Variants in DNAJC5 observed in about 807,000 individuals in gnomAD.
DNAJC5 encodes dnaJ homolog subfamily C member 5.
DNAJC5 carries 1 observed loss-of-function variant against 23.2 expected under a neutral mutation model. That is an observed-to-expected ratio of 0.04 (90% confidence interval 0.02 to 0.20). DNAJC5 has a LOEUF of 0.20. Ranked by LOEUF, DNAJC5 falls within the 10% of genes least tolerant of loss-of-function variation. The pLI is 1.00. For missense variants in DNAJC5, 180 were observed against 267.0 expected (o/e 0.67, Z 2.27); for synonymous variants, 136 against 120.0 (o/e 1.13, Z -0.87).
chr20:63,922,427 C>T (rs2053580770), intron 1 of DNAJC5, among the ~76,000 whole-genome samples: 1 of 148,758 alleles, frequency 6.7e-6, no homozygotes, highest in South Asian at 2.1e-4. Flanking sequence ...TGCACCATTG[C>T]ACTCCATCCA....
chr20:63,931,436 G>A lies in DNAJC5; in HGVS notation c.494-29G>A, dbSNP rs528390229. 6.5e-6 allele frequency: 10 copies of A among 1,535,166 alleles called. No individual in the cohort carries two copies. The highest frequency in any genetic ancestry group is 8.7e-6 in the Non-Finnish European group (10 of 1,144,528). Reference sequence around the variant, plus strand: ...GGGTGCGCGCCAGGCTGTGGCCCTCGTGCAGTGCCCTGTGTGCTTGCTTTT... The same window carrying A: ...GGGTGCGCGCCAGGCTGTGGCCCTCATGCAGTGCCCTGTGTGCTTGCTTTT... On this transcript the variant is annotated intron_variant, in intron 4 of 4. Coordinates refer to ENST00000360864, the MANE Select transcript of DNAJC5 (RefSeq NM_025219.3). The surrounding 1 kb of genome is among the most constrained non-coding windows in gnomAD (Gnocchi z 9.6).
intron 1 of DNAJC5, among the ~76,000 whole-genome samples, chr20:63,900,552 G>C (rs1026317168): frequency 4.2e-5 from 6 of 142,236 alleles, no homozygotes; most frequent in Non-Finnish European, 3.0e-5. Context: ...ACTCCAGCCT[G>C]GGCGACAGAG....
At chr20:63,906,420 G>T (rs543308526) in intron 1 of DNAJC5, among the ~76,000 whole-genome samples, 126 of 152,186 alleles carry the variant, frequency 8.3e-4, no homozygotes, top group African/African-American at 2.7e-3. Context: ...AACCCAGAAG[G>T]CGGAGGTTGC....
At chr20:63,917,379 C>T (rs372207507) in intron 1 of DNAJC5, among the ~76,000 whole-genome samples, 26 of 151,542 alleles carry the variant, frequency 1.7e-4, no homozygotes, top group African/African-American at 5.8e-4. Context: ...CTCAGCCTCT[C>T]GAGTAACTGG....
intron 1 of DNAJC5, among the ~76,000 whole-genome samples, chr20:63,907,305 A>C (rs1326016558): frequency 6.6e-6 from 1 of 152,162 alleles, no homozygotes; most frequent in East Asian, 1.9e-4. Context: ...CGGTGACTGC[A>C]AATAGGTTAC....
rs531420995 is a variant in DNAJC5, at chr20:63,925,470, C to T, written c.-11-2865C>T. Among the ~76,000 whole-genome samples the T allele has an allele frequency of 2.5e-3, 379 of 150,070 alleles. 1 individual carries two copies. Among genetic ancestry groups the T allele is most frequent in the Non-Finnish European group, 4.1e-3 (276 of 67,542 alleles). The stretch of plus-strand genomic sequence containing the variant: ...TGCACTCCAGCCTGGGCAAACAGAG[C>T]GAGACTCCACCTCAAAAATAAAAAT... On this transcript the variant is annotated intron_variant, in intron 1 of 4. Transcript: ENST00000360864.
At position 63,929,731 on chromosome 20, in the gene DNAJC5, C is replaced by T. The variant is rs138086896; in HGVS notation, c.321+206C>T. ...GGGCGCCCGAGTCACTCCTGCCGTG[C>T]GGGCACCCGAGTCTCTCCTGCCATG... On this transcript the variant is annotated intron_variant, in intron 3 of 4. Transcript: ENST00000360864. This position sits in a 1 kb window ranked among gnomAD's most constrained non-coding sequence, Gnocchi z 8.6. Among the ~76,000 whole-genome samples the T allele has an allele frequency of 8.3e-5, 11 of 132,132 alleles. No homozygotes were observed. Among genetic ancestry groups the T allele is most frequent in the Non-Finnish European group, 1.9e-4 (11 of 57,964 alleles). The allele number at this position is 132,132 out of a possible 152,430, so 86.7% of individuals were successfully genotyped here.
chr20:63,910,935 C>T lies in DNAJC5; in HGVS notation c.-12+15612C>T, dbSNP rs758459440. The stretch of plus-strand genomic sequence containing the variant: ...CCGCCTGCCTTGGCCTCCCAAAGTA[C>T]TGGGATTATAGGCCTGAGCCACCAT... On this transcript the variant is annotated intron_variant, in intron 1 of 4. Transcript: ENST00000360864. 3.3e-5 allele frequency among the ~76,000 whole-genome samples: 5 copies of T among 152,298 alleles called. No individual in the cohort carries two copies. In the South Asian group the frequency reaches 6.2e-4, roughly 19 times the overall value.
chr20:63,921,464 G>C (rs1422169649), intron 1 of DNAJC5, among the ~76,000 whole-genome samples: 1 of 151,902 alleles, frequency 6.6e-6, no homozygotes, highest in Non-Finnish European at 1.5e-5. Flanking sequence ...GGTGGCGGGT[G>C]CCTGTAGTCC....
At chr20:63,918,606 G>GT (rs1027507278) in intron 1 of DNAJC5, among the ~76,000 whole-genome samples, 2 of 152,084 alleles carry the variant, frequency 1.3e-5, no homozygotes, top group Non-Finnish European at 2.9e-5. Flanking sequence ...ATTTTTTGTT[G>GT]TTTTTTTGAG....
rs1486708122 is a variant in DNAJC5 at position 63,911,536 on chromosome 20, A to G, written c.-12+16213A>G. On this transcript the variant is annotated intron_variant, in intron 1 of 4. Transcript: ENST00000360864. Reference sequence around the variant, plus strand: ...TCCTCTCGTACTTGGATGCTTGGTGATGGTCGTGGAAGCAGTTTTATTTTC... The same window carrying G: ...TCCTCTCGTACTTGGATGCTTGGTGGTGGTCGTGGAAGCAGTTTTATTTTC... 3.3e-5 allele frequency among the ~76,000 whole-genome samples: 5 copies of G among 152,014 alleles called. No individual in the cohort carries two copies. In the East Asian group the frequency reaches 7.7e-4, roughly 23 times the overall value.
chr20:63,931,613 C>T lies in DNAJC5; in HGVS notation c.*45C>T, dbSNP rs569455237. ...CAGAGGAGGAGCCGGCGCCTGGCCACGCCAACCTTAGAATCATGAACTGTA... is the reference window on the plus strand; with the variant it reads ...CAGAGGAGGAGCCGGCGCCTGGCCATGCCAACCTTAGAATCATGAACTGTA... On this transcript the variant is annotated 3_prime_UTR_variant, in exon 5 of 5. Coordinates refer to ENST00000360864, the MANE Select transcript of DNAJC5 (RefSeq NM_025219.3). This position sits in a 1 kb window ranked among gnomAD's most constrained non-coding sequence, Gnocchi z 9.6. 8 of 1,500,612 alleles carry T rather than the reference C, an allele frequency of 5.3e-6. No individual in the cohort carries two copies. Among genetic ancestry groups the T allele is most frequent in the Admixed American group, 3.9e-5 (2 of 50,946 alleles). 93.0% of individuals were successfully genotyped at this position (1,500,612 alleles called of 1,614,324 possible).
chr20:63,927,315 A>T (rs900713257), intron 1 of DNAJC5, among the ~76,000 whole-genome samples: 1 of 152,116 alleles, frequency 6.6e-6, no homozygotes, highest in South Asian at 2.1e-4. Flanking sequence ...TCGGGAGTTC[A>T]GCCTGAGGTC....
intron 1 of DNAJC5, among the ~76,000 whole-genome samples, chr20:63,917,905 G>A (rs1472011064): frequency 6.6e-6 from 1 of 152,132 alleles, no homozygotes; most frequent in Non-Finnish European, 1.5e-5. Flanking sequence ...AGGGAGTGGG[G>A]GCACTGCCTG....
rs1177625603 is a variant in DNAJC5, at chr20:63,931,843, G to T, written c.*275G>T. 2.0e-6 allele frequency: 1 copy of T among 496,158 alleles called. No homozygotes were observed. Among genetic ancestry groups the T allele is most frequent in the African/African-American group, 1.9e-5 (1 of 51,386 alleles). The allele number at this position is 496,158 out of a possible 1,614,324, so 30.7% of individuals were successfully genotyped here. The stretch of plus-strand genomic sequence containing the variant: ...TCCATGTCTGTGTTGTGGACATTCC[G>T]CGGCATGACCGCGTGAACTGCACGG... On this transcript the variant is annotated 3_prime_UTR_variant, in exon 5 of 5. Coordinates refer to ENST00000360864, the MANE Select transcript of DNAJC5 (RefSeq NM_025219.3). The surrounding 1 kb of genome is among the most constrained non-coding windows in gnomAD (Gnocchi z 9.6).
intron 1 of DNAJC5, among the ~76,000 whole-genome samples, chr20:63,923,908 C>G (rs952317140): frequency 2.0e-5 from 3 of 152,124 alleles, no homozygotes; most frequent in Admixed American, 6.6e-5. Context: ...AGTTTTTTGC[C>G]TTAGTAATTG....
chr20:63,910,039 A>G (rs2053472899), intron 1 of DNAJC5, among the ~76,000 whole-genome samples: 1 of 152,202 alleles, frequency 6.6e-6, no homozygotes, highest in African/African-American at 2.4e-5. Context: ...CTAGTGTTGC[A>G]CAGACCTGAG....
chr20:63,925,236 A>G lies in DNAJC5; in HGVS notation c.-11-3099A>G, dbSNP rs557173822. Among the ~76,000 whole-genome samples, 6 of 152,332 alleles carry G rather than the reference A, an allele frequency of 3.9e-5. No homozygotes were observed. In the South Asian group the frequency reaches 8.3e-4, roughly 21 times the overall value. The stretch of plus-strand genomic sequence containing the variant: ...CACGGTGGCTCACGCCTGTAATCCC[A>G]GCACTTTAGGAGGCTGAGGCAGACG... On this transcript the variant is annotated intron_variant, in intron 1 of 4. Transcript: ENST00000360864.
chr20:63,901,818 G>A (rs934267443), intron 1 of DNAJC5, among the ~76,000 whole-genome samples: 1 of 152,186 alleles, frequency 6.6e-6, no homozygotes, highest in African/African-American at 2.4e-5. Context: ...GACAAATAAC[G>A]AAGGAAATTC....
Sources: allele counts gnomAD v4.1 joint callset (sites outside exome capture counted in the v4.1 genomes callset), GRCh38; gene constraint gnomAD v4.1.1; non-coding constraint Gnocchi (gnomAD v3.1); transcripts MANE v1.5; gene names NCBI Gene and HGNC (gene_info 2026-07-23, HGNC 2026-07-21).